SPIDR: variants seen among roughly 807,000 people sequenced by gnomAD.
SPIDR encodes DNA repair-scaffolding protein.
Under a neutral mutation model 104.6 loss-of-function variants are expected in SPIDR, and 93 were observed. That is an observed-to-expected ratio of 0.89 (90% CI 0.75 to 1.06). SPIDR has a LOEUF of 1.06. Among genes scored for constraint, SPIDR ranks in the 50% least tolerant of loss-of-function variants. The pLI, the probability that SPIDR is intolerant of heterozygous loss-of-function variation, is 0.00. For synonymous variants in SPIDR, 431 were observed against 416.9 expected (o/e 1.03, Z -0.41); for missense variants, 1,154 against 1,111.2 (o/e 1.04, Z -0.55).
intron 1 of SPIDR, among the ~76,000 whole-genome samples, chr8:47,274,596 G>A (rs2035993093): frequency 6.7e-6 from 1 of 148,420 alleles, no homozygotes; most frequent in African/African-American, 2.5e-5. Flanking sequence ...TTTTTTTCCC[G>A]AGATGGAGTC....
intron 5 of SPIDR, among the ~76,000 whole-genome samples, chr8:47,334,456 A>T (rs1400756699): frequency 6.6e-6 from 1 of 152,206 alleles, no homozygotes; most frequent in African/African-American, 2.4e-5. Context: ...AGGTATATAC[A>T]TGTAAAGGAT....
intron 7 of SPIDR, among the ~76,000 whole-genome samples, chr8:47,422,227 C>G (rs1443602013): frequency 6.6e-6 from 1 of 152,206 alleles, no homozygotes; most frequent in South Asian, 2.1e-4. Context: ...CAGAGGCAGG[C>G]AGGCCTCCTT....
At chr8:47,732,441 C>T in intron 19 of SPIDR, 1 of 517,294 alleles carries the variant, frequency 1.9e-6, no homozygotes, top group Non-Finnish European at 3.4e-6. Context: ...TGGGTGAGGG[C>T]CAGAGGGTGG....
intron 8 of SPIDR, among the ~76,000 whole-genome samples, chr8:47,516,279 A>G (rs2083130883): frequency 6.6e-6 from 1 of 152,234 alleles, no homozygotes; most frequent in Non-Finnish European, 1.5e-5. Flanking sequence ...GTGGTAAAAT[A>G]TGCATAACAT....
intron 8 of SPIDR, among the ~76,000 whole-genome samples, chr8:47,538,686 T>C (rs778383769): frequency 3.9e-5 from 6 of 152,146 alleles, no homozygotes; most frequent in Non-Finnish European, 7.4e-5. Flanking sequence ...AAATTTGATA[T>C]AGCTCTCTGT....
At chr8:47,711,815 C>G (rs1458777389) in intron 14 of SPIDR, among the ~76,000 whole-genome samples, 2 of 152,170 alleles carry the variant, frequency 1.3e-5, no homozygotes, top group South Asian at 4.1e-4. Context: ...TCATTTTCCT[C>G]AATATTACTT....
intron 1 of SPIDR, among the ~76,000 whole-genome samples, chr8:47,269,608 T>A (rs1233453227): frequency 1.3e-5 from 2 of 151,990 alleles, no homozygotes; most frequent in South Asian, 4.1e-4. Flanking sequence ...AATACCATGC[T>A]GTCTGTCAGT....
chr8:47,680,318 G>A (rs1344231304), intron 11 of SPIDR, among the ~76,000 whole-genome samples: 3 of 152,180 alleles, frequency 2.0e-5, no homozygotes, highest in Non-Finnish European at 2.9e-5. Context: ...ACAGAAGAGG[G>A]CCTGAGATAG....
intron 8 of SPIDR, among the ~76,000 whole-genome samples, chr8:47,582,614 C>T (rs1211925710): frequency 1.3e-5 from 2 of 152,154 alleles, no homozygotes; most frequent in East Asian, 1.9e-4. Flanking sequence ...TAATGCAAAG[C>T]GTTTGTTTAG....
chr8:47,376,672 T>G (rs1222839437), intron 5 of SPIDR, among the ~76,000 whole-genome samples: 1 of 152,146 alleles, frequency 6.6e-6, no homozygotes, highest in Non-Finnish European at 1.5e-5. Flanking sequence ...CAATAAATAG[T>G]AAGTTGAATT....
chr8:47,695,216 C>A (rs979628301), intron 11 of SPIDR, among the ~76,000 whole-genome samples: 2 of 152,020 alleles, frequency 1.3e-5, no homozygotes, highest in African/African-American at 4.8e-5. Context: ...GAACCTCCAG[C>A]GACCCCCAGA....
At chr8:47,490,721 T>C (rs1554738594) in intron 8 of SPIDR, among the ~76,000 whole-genome samples, 1 of 152,122 alleles carries the variant, frequency 6.6e-6, no homozygotes, top group Non-Finnish European at 1.5e-5. Context: ...CTGGAAACCA[T>C]CATTCTCAGC....
intron 8 of SPIDR, among the ~76,000 whole-genome samples, chr8:47,531,660 G>A (rs1326535388): frequency 6.6e-6 from 1 of 152,088 alleles, no homozygotes; most frequent in East Asian, 1.9e-4. Context: ...TTCTTCTCCT[G>A]CAGTTTCCTT....
intron 7 of SPIDR, among the ~76,000 whole-genome samples, chr8:47,430,419 C>T (rs1355569445): frequency 1.3e-5 from 2 of 152,094 alleles, no homozygotes; most frequent in African/African-American, 2.4e-5. Context: ...TTAGAATGTC[C>T]TTTATCGATA....
At chr8:47,437,198 C>T (rs1435757380) in intron 7 of SPIDR, among the ~76,000 whole-genome samples, 1 of 151,188 alleles carries the variant, frequency 6.6e-6, no homozygotes, top group African/African-American at 2.4e-5. Context: ...CACCCGCTAA[C>T]TCGTCATCTA....
intron 10 of SPIDR, among the ~76,000 whole-genome samples, chr8:47,604,867 G>A (rs1230866618): frequency 6.6e-6 from 1 of 152,218 alleles, no homozygotes; most frequent in African/African-American, 2.4e-5. Context: ...ACGCCCAGAG[G>A]GTTTTAGATT....
chr8:47,389,910 T>C (rs188655909), intron 5 of SPIDR, among the ~76,000 whole-genome samples: 45 of 152,208 alleles, frequency 3.0e-4, no homozygotes, highest in Non-Finnish European at 4.9e-4. Flanking sequence ...CTTCTCTCTA[T>C]GGAACACATA....
rs369381394 is a variant in SPIDR, at chr8:47,723,025, ATTGTTGTTGTTG to A, written c.2342-4159_2342-4148del. On this transcript the variant is annotated intron_variant, in intron 16 of 19. Transcript: ENST00000297423. ...TGCCCAGTTAATTTTTGTTGTTGTT[ATTGTTGTTGTTG>A]TTGTTGTTGTTGTTGACACAGAGTT... Among the ~76,000 whole-genome samples the A allele has an allele frequency of 2.7e-5, 4 of 150,594 alleles. No individual in the cohort carries two copies. In the East Asian group the frequency reaches 7.8e-4, roughly 29 times the overall value.
chr8:47,536,332 C>G (rs753153984), intron 8 of SPIDR, among the ~76,000 whole-genome samples: 20 of 152,200 alleles, frequency 1.3e-4, no homozygotes, highest in Admixed American at 9.8e-4. Flanking sequence ...CCTACAATAG[C>G]CGACTCAATA....
Sources: gnomAD v4.1 joint callset for allele counts (sites outside exome capture counted in the v4.1 genomes callset) on GRCh38, gnomAD v4.1.1 for gene constraint, MANE v1.5 for transcripts, NCBI Gene and HGNC (gene_info 2026-07-23, HGNC 2026-07-21) for gene names.